The following NARS2 variants were observed in gnomAD, a reference collection of about 807,000 sequenced individuals.
NARS2 encodes asparaginyl-tRNA synthetase.
NARS2 carries 60 observed loss-of-function variants against 62.9 expected under a neutral mutation model. That is an observed-to-expected ratio of 0.95 (90% CI 0.77 to 1.18). NARS2 has a LOEUF of 1.18. Ranked by LOEUF, NARS2 falls within the 50% of genes most tolerant of loss-of-function variation. NARS2 has a pLI of 0.00. For synonymous variants in NARS2, 196 were observed against 200.0 expected, an observed-to-expected ratio of 0.98 and a Z score of 0.17; for missense variants, 619 against 576.4, an observed-to-expected ratio of 1.07 and a Z score of -0.76.
At chr11:78,553,209 G>A (rs892682894) in intron 5 of NARS2, among the ~76,000 whole-genome samples, 1 of 152,086 alleles carries the variant, frequency 6.6e-6, no homozygotes, top group Non-Finnish European at 1.5e-5. Flanking sequence ...AATGATCAGT[G>A]ATATTGAGCT....
chr11:78,481,624 G>T (rs1000242483), intron 7 of NARS2, among the ~76,000 whole-genome samples: 4 of 151,922 alleles, frequency 2.6e-5, no homozygotes, highest in African/African-American at 9.7e-5. Flanking sequence ...CCACAAATAA[G>T]TTGAAAAAAA....
At chr11:78,495,275 A>C (rs141111030) in intron 6 of NARS2, among the ~76,000 whole-genome samples, 195 of 152,178 alleles carry the variant, frequency 1.3e-3, no homozygotes, top group African/African-American at 4.5e-3. Context: ...TGTCCCATGC[A>C]TGTCCTTTAG....
chr11:78,478,466 C>T lies in NARS2; in HGVS notation c.931G>A (p.Glu311Lys), dbSNP rs1859203452. The T allele has an allele frequency of 4.4e-6, 5 of 1,136,078 alleles. No homozygotes were observed. In the South Asian group the frequency reaches 8.7e-5, roughly 20 times the overall value. 70.4% of individuals were successfully genotyped at this position (1,136,078 alleles called of 1,614,324 possible). Residue 311 changes from glutamate (E) to lysine (K), a missense_variant, in exon 9 of 14, where the codon GAA (glutamate) becomes AAA (lysine). Coordinates refer to ENST00000281038, the MANE Select transcript of NARS2 (RefSeq NM_024678.6). ...AAAAAGTTGTTTTTTAGCATATGTT[C>T]TAATCTGTCCTTAATAAAAAGACAA... ...FIAPGQKDRL[E>K]HMLKNNFLII...
intron 9 of NARS2, among the ~76,000 whole-genome samples, chr11:78,477,920 C>T (rs1859171628): frequency 6.6e-6 from 1 of 152,132 alleles, no homozygotes; most frequent in South Asian, 2.1e-4. Context: ...CAATCTCTCT[C>T]TCTATCTCCA....
intron 7 of NARS2, among the ~76,000 whole-genome samples, chr11:78,483,278 G>A (rs1859434950): frequency 6.6e-6 from 1 of 152,094 alleles, no homozygotes; most frequent in Non-Finnish European, 1.5e-5. Context: ...CCCACAGCCA[G>A]TATCATACTG....
rs182706764 is a variant in NARS2 at position 78,482,619 on chromosome 11, C to T, written c.823-3936G>A. ...TCAGAGAAAAGCATAAACACCTCTA[C>T]GCAAATGAACGAGAAAATCTAGAAG... On this transcript the variant is annotated intron_variant, in intron 7 of 13. Transcript: ENST00000281038. 5.3e-4 allele frequency among the ~76,000 whole-genome samples: 81 copies of T among 152,222 alleles called. No homozygotes were observed. The East Asian group carries it at 0.014, about 26-fold the overall frequency.
intron 11 of NARS2, among the ~76,000 whole-genome samples, chr11:78,445,529 G>A (rs751369981): frequency 3.9e-5 from 6 of 152,166 alleles, no homozygotes; most frequent in Admixed American, 2.0e-4. Flanking sequence ...GCTGAGGCAC[G>A]AAGAATTGCT....
chr11:78,463,997 A>G (rs771527127), intron 11 of NARS2, among the ~76,000 whole-genome samples: 1 of 152,176 alleles, frequency 6.6e-6, no homozygotes, highest in Non-Finnish European at 1.5e-5. Context: ...TTCAACAATG[A>G]AGCCGCGGAC....
intron 11 of NARS2, among the ~76,000 whole-genome samples, chr11:78,462,871 C>T (rs1289832766): frequency 6.6e-6 from 1 of 152,114 alleles, no homozygotes; most frequent in South Asian, 2.1e-4. Flanking sequence ...GGGCCCTAAT[C>T]TACATTTTTG....
intron 5 of NARS2, among the ~76,000 whole-genome samples, chr11:78,536,210 G>A (rs539243835): frequency 6.6e-6 from 1 of 152,106 alleles, no homozygotes; most frequent in African/African-American, 2.4e-5. Context: ...TGCACTTCCA[G>A]TCATATAATG....
At chr11:78,462,202 G>A (rs1369832277) in intron 11 of NARS2, among the ~76,000 whole-genome samples, 1 of 152,054 alleles carries the variant, frequency 6.6e-6, no homozygotes, top group Non-Finnish European at 1.5e-5. Flanking sequence ...TGTTGGAGGG[G>A]GAGCTGGAAT....
intron 11 of NARS2, among the ~76,000 whole-genome samples, chr11:78,445,065 G>A (rs1218071097): frequency 1.3e-5 from 2 of 152,120 alleles, no homozygotes; most frequent in Non-Finnish European, 2.9e-5. Flanking sequence ...TTTAGACATG[G>A]ATAGAAAAAA....
intron 6 of NARS2, among the ~76,000 whole-genome samples, chr11:78,502,446 T>A (rs1860315973): frequency 6.6e-6 from 1 of 152,230 alleles, no homozygotes; most frequent in South Asian, 2.1e-4. Context: ...GTTCTACCCT[T>A]ATGTCCTCAT....
intron 2 of NARS2, among the ~76,000 whole-genome samples, chr11:78,569,790 A>G (rs1157906374): frequency 6.6e-6 from 1 of 152,186 alleles, no homozygotes; most frequent in African/African-American, 2.4e-5. Flanking sequence ...GAATATCTCA[A>G]AGAGACAGTC....
At chr11:78,498,338 T>C (rs1860143195) in intron 6 of NARS2, among the ~76,000 whole-genome samples, 1 of 152,240 alleles carries the variant, frequency 6.6e-6, no homozygotes, top group Non-Finnish European at 1.5e-5. Flanking sequence ...TTCTAAATAC[T>C]GCTCTGACCT....
chr11:78,530,820 A>T (rs1861450637), intron 5 of NARS2, among the ~76,000 whole-genome samples: 1 of 152,082 alleles, frequency 6.6e-6, no homozygotes, highest in Non-Finnish European at 1.5e-5. Flanking sequence ...ATGATTTCTG[A>T]TTTTTCTTAC....
chr11:78,566,048 A>C, intron 4 of NARS2, 84 bp downstream of exon 4: 1 of 1,151,550 alleles, frequency 8.7e-7, no homozygotes, highest in Non-Finnish European at 1.2e-6. Context: ...CAGACATGTT[A>C]ACATCAGGAG....
intron 10 of NARS2, among the ~76,000 whole-genome samples, chr11:78,467,583 TA>T (rs1858677488): frequency 1.3e-5 from 2 of 151,552 alleles, no homozygotes; most frequent in East Asian, 3.9e-4. Context: ...ATTAATTAAT[TA>T]AATACAATAA....
intron 5 of NARS2, among the ~76,000 whole-genome samples, chr11:78,530,996 C>T (rs988739307): frequency 2.0e-5 from 3 of 151,922 alleles, no homozygotes; most frequent in Non-Finnish European, 4.4e-5. Flanking sequence ...TTTGTATTAT[C>T]ACCTATATAT....
Sources: allele counts gnomAD v4.1 joint callset (sites outside exome capture counted in the v4.1 genomes callset), GRCh38; gene constraint gnomAD v4.1.1; transcripts MANE v1.5; gene names NCBI Gene and HGNC (gene_info 2026-07-23, HGNC 2026-07-21).